DOCK7: variants seen among roughly 807,000 people sequenced by gnomAD.
DOCK7 encodes dedicator of cytokinesis 7.
A neutral mutation model predicts 271.0 loss-of-function variants in DOCK7; 138 were observed. The ratio of observed to expected loss-of-function variants is 0.51; its 90% confidence interval spans 0.44 to 0.59. The LOEUF (loss-of-function observed/expected upper bound fraction) is 0.59. Ranked by LOEUF, DOCK7 falls within the 20% of genes least tolerant of loss-of-function variation. The pLI is 0.00. For synonymous variants in DOCK7, 823 were observed against 876.1 expected (o/e 0.94, Z 1.07); for missense variants, 2,066 against 2,592.4 (o/e 0.80, Z 4.41).
At chr1:62,610,629 C>T (rs1184761831) in intron 14 of DOCK7, among the ~76,000 whole-genome samples, 1 of 152,106 alleles carries the variant, frequency 6.6e-6, no homozygotes, top group African/African-American at 2.4e-5. Flanking sequence ...CCCACCCCGA[C>T]AGGTCCCAGT....
At position 62,619,811 on chromosome 1, in the gene DOCK7, A is replaced by AT. The variant is rs563667621; in HGVS notation, c.1519+88dup. On this transcript the variant is annotated intron_variant, in intron 13 of 49. Coordinates refer to ENST00000635253, the MANE Select transcript of DOCK7 (RefSeq NM_001367561.1). ...ATAGAAAAATGTCTGGGCCAGATAA[A>AT]TAAAAAAAAAAGATACATAATTATA... The AT allele has an allele frequency of 7.3e-4, 457 of 627,508 alleles. 3 individuals are homozygous for AT. The African/African-American group carries it at 0.014, about 19-fold the overall frequency. 38.9% of individuals were successfully genotyped at this position (627,508 alleles called of 1,614,324 possible).
intron 16 of DOCK7, among the ~76,000 whole-genome samples, chr1:62,579,436 A>G (rs957217723): frequency 1.3e-5 from 2 of 152,138 alleles, no homozygotes; most frequent in African/African-American, 4.8e-5. Flanking sequence ...TAATATCAAA[A>G]TATCACATTG....
chr1:62,586,576 T>C lies in DOCK7; in HGVS notation c.1731A>G (p.Gln577=), dbSNP rs1175042334. 4.3e-6 allele frequency: 7 copies of C among 1,613,046 alleles called. No homozygotes were observed. Among genetic ancestry groups the C allele is most frequent in the Non-Finnish European group, 5.9e-6 (7 of 1,179,400 alleles). The change falls in exon 15 of 50, where the codon CAA becomes CAG. Residue 577 remains glutamine, a synonymous_variant. Transcript: ENST00000635253. ...YPQSLNFANR[Q]GSARNITVKV... ...TCACTGTTATATTTCTAGCAGAACCTTGACGATTGGCAAAATTAAGACTCT... is the reference window on the plus strand; with the variant it reads ...TCACTGTTATATTTCTAGCAGAACCCTGACGATTGGCAAAATTAAGACTCT...
At chr1:62,604,688 C>T (rs1343597378) in intron 14 of DOCK7, 1 of 1,613,112 alleles carries the variant, frequency 6.2e-7, no homozygotes, top group Admixed American at 1.7e-5. Flanking sequence ...GTAAATATAA[C>T]AAACCAAGAG....
rs1645571421 is a variant in DOCK7, at chr1:62,542,588, C to T, written c.3045+20G>A. On this transcript the variant is annotated intron_variant, in intron 25 of 49. Transcript: ENST00000635253. ...CACTAAGAGAAAAAATATTAAAGAA[C>T]ATGCTCAGTTTTTGCTCACCATTAA... The T allele has an allele frequency of 6.3e-7, 1 of 1,593,402 alleles. No individual in the cohort carries two copies. The highest frequency in any genetic ancestry group is 8.5e-7 in the Non-Finnish European group (1 of 1,171,450).
At chr1:62,648,643 T>C (rs1656967364) in intron 4 of DOCK7, 99 bp from the exon 5 acceptor site, 4 of 600,486 alleles carry the variant, frequency 6.7e-6, no homozygotes, top group African/African-American at 1.9e-5. Context: ...GTTTTCTGCA[T>C]TATTTCTTTA....
intron 14 of DOCK7, among the ~76,000 whole-genome samples, chr1:62,592,796 TC>T (rs1433817530): frequency 1.3e-5 from 2 of 152,190 alleles, no homozygotes; most frequent in Non-Finnish European, 2.9e-5. Flanking sequence ...AGAGGAACTC[TC>T]ATATACTCCT....
chr1:62,501,050 G>C (rs554253288), intron 37 of DOCK7, among the ~76,000 whole-genome samples: 1 of 152,078 alleles, frequency 6.6e-6, no homozygotes, highest in East Asian at 1.9e-4. Context: ...TTTTAAAAGG[G>C]GGGGTGAGTG....
In DOCK7 at chr1:62,550,143, T is replaced by TATA. The variant is rs1304292163; in HGVS notation, c.2766+2586_2766+2588dup. Among the ~76,000 whole-genome samples, 3 of 152,150 alleles carry TATA rather than the reference T, an allele frequency of 2.0e-5. No homozygotes were observed. In the East Asian group the frequency reaches 5.8e-4, roughly 29 times the overall value. On this transcript the variant is annotated intron_variant, in intron 22 of 49. Coordinates refer to ENST00000635253, the MANE Select transcript of DOCK7 (RefSeq NM_001367561.1). ...AAAATGAGAAAAACAATAGCATGCC[T>TATA]ATATGTGAATGGGAATGATTCAGTA...
intron 7 of DOCK7, chr1:62,641,546 T>G (rs576399890): frequency 1.2e-4 from 54 of 466,552 alleles, no homozygotes; most frequent in Admixed American, 9.8e-4. Context: ...GTTCATCTAC[T>G]TGCAGAGGAA....
intron 17 of DOCK7, 139 bp from the exon 18 acceptor site, chr1:62,577,502 A>G: frequency 2.4e-6 from 1 of 424,858 alleles, no homozygotes; most frequent in Non-Finnish European, 4.2e-6. Context: ...TACAAGTAAT[A>G]ATAATAATAG....
chr1:62,675,742 G>A lies in DOCK7; in HGVS notation c.38+12485C>T, dbSNP rs144171158. Among the ~76,000 whole-genome samples the A allele has an allele frequency of 5.6e-3, 845 of 151,522 alleles. 6 individuals carry two copies. The highest frequency in any genetic ancestry group is 0.02 in the African/African-American group (805 of 41,250). ...GGAGCTTGCAATGAGCCGAGATCGC[G>A]CCACTGTACTCCAGCCTGGGCGACA... On this transcript the variant is annotated intron_variant, in intron 1 of 49. Transcript: ENST00000635253.
intron 25 of DOCK7, among the ~76,000 whole-genome samples, chr1:62,541,444 C>T (rs534552108): frequency 1.3e-5 from 2 of 152,298 alleles, no homozygotes; most frequent in South Asian, 4.1e-4. Context: ...TGTAGGTTTT[C>T]TCCCACCTCT....
At chr1:62,578,255 T>C (rs930325425) in intron 17 of DOCK7, among the ~76,000 whole-genome samples, 7 of 152,202 alleles carry the variant, frequency 4.6e-5, no homozygotes, top group African/African-American at 7.2e-5. Context: ...TACTGCATTG[T>C]TGGGTATACA....
chr1:62,647,864 A>G (rs1032610057), intron 6 of DOCK7, 88 bp from the exon 7 acceptor site: 10 of 1,013,182 alleles, frequency 9.9e-6, no homozygotes, highest in African/African-American at 1.6e-5. Context: ...CTAATCTAAC[A>G]CTTTTAGTCT....
Position 62,688,078 on chromosome 1 carries a change from C to G in DOCK7, c.38+149G>C, listed in dbSNP as rs1187740597. 3 of 1,054,182 alleles carry G rather than the reference C, an allele frequency of 2.8e-6. No individual in the cohort carries two copies. The African/African-American group carries it at 5.0e-5, about 18-fold the overall frequency. 65.3% of individuals were successfully genotyped at this position (1,054,182 alleles called of 1,614,324 possible). On this transcript the variant is annotated intron_variant, in intron 1 of 49. Coordinates refer to ENST00000635253, the MANE Select transcript of DOCK7 (RefSeq NM_001367561.1). ...AGGCCTCCGCTACCCCCTCAGCCACCCCGAACCCCTTCCGCCCCGCCGCGA... is the reference window on the plus strand; with the variant it reads ...AGGCCTCCGCTACCCCCTCAGCCACGCCGAACCCCTTCCGCCCCGCCGCGA...
chr1:62,495,957 A>T (rs1192672375), intron 38 of DOCK7: 2 of 377,192 alleles, frequency 5.3e-6, no homozygotes, highest in Non-Finnish European at 9.3e-6. Flanking sequence ...TATGGGAAAT[A>T]CAAGAATACA....
rs535260743 is a variant in DOCK7, at chr1:62,673,652, G to A, written c.39-10522C>T. On this transcript the variant is annotated intron_variant, in intron 1 of 49. Coordinates refer to ENST00000635253, the MANE Select transcript of DOCK7 (RefSeq NM_001367561.1). ...TCATTATAAAAATAAACCCAGAGCTGCCTTACCCATAAACATACAAAATTA... is the reference window on the plus strand; with the variant it reads ...TCATTATAAAAATAAACCCAGAGCTACCTTACCCATAAACATACAAAATTA... 3.9e-4 allele frequency among the ~76,000 whole-genome samples: 59 copies of A among 152,170 alleles called. 1 individual carries two copies. Among genetic ancestry groups the A allele is most frequent in the African/African-American group, 1.3e-3 (56 of 41,520 alleles).
intron 48 of DOCK7, among the ~76,000 whole-genome samples, chr1:62,461,820 C>CCAGCA (rs1476387604): frequency 6.6e-6 from 1 of 151,774 alleles, no homozygotes; most frequent in East Asian, 1.9e-4. Context: ...GCCTGTAATC[C>CCAGCA]CAGCACCTTG....
Sources: allele counts gnomAD v4.1 joint callset (sites outside exome capture counted in the v4.1 genomes callset), GRCh38; gene constraint gnomAD v4.1.1; transcripts MANE v1.5; gene names NCBI Gene and HGNC (gene_info 2026-07-23, HGNC 2026-07-21).